Variants in ZNF557 observed in about 807,000 individuals in gnomAD.
ZNF557 encodes CTB-25J19.9.
ZNF557 carries 19 observed loss-of-function variants against 21.2 expected under a neutral mutation model. The observed-to-expected ratio is 0.90, with a 90% CI of 0.63 to 1.32. The LOEUF is 1.32. Ranked by LOEUF, ZNF557 falls within the 40% of genes most tolerant of loss-of-function variation. ZNF557 has a pLI of 0.00. For synonymous variants in ZNF557, 207 were observed against 194.8 expected (o/e 1.06, Z -0.52); for missense variants, 487 against 519.8 (o/e 0.94, Z 0.61).
chr19:7,075,199 G>C (rs1977559792), intron 3 of ZNF557, 94 bp downstream of exon 3: 2 of 1,571,774 alleles, frequency 1.3e-6, no homozygotes, highest in Non-Finnish European at 1.7e-6. Context: ...GAGCAGGTGA[G>C]GCAGGAGTGG....
At chr19:7,081,639 G>A (rs146534098) in intron 6 of ZNF557, among the ~76,000 whole-genome samples, 184 bp downstream of exon 6, 14 of 152,230 alleles carry the variant, frequency 9.2e-5, no homozygotes, top group Admixed American at 9.2e-4. Context: ...CCAACTTTCT[G>A]TCATCTCATA....
intron 1 of ZNF557, 88 bp from the exon 2 acceptor site, chr19:7,070,474 A>T (rs989576014): frequency 5.3e-5 from 8 of 152,216 alleles, no homozygotes; most frequent in Non-Finnish European, 1.2e-4. Flanking sequence ...CAACAACTGT[A>T]TTAGTCTCAG....
intron 5 of ZNF557, among the ~76,000 whole-genome samples, chr19:7,079,252 T>A (rs1166405081): frequency 6.8e-6 from 1 of 146,254 alleles, no homozygotes; most frequent in African/African-American, 2.5e-5. Flanking sequence ...TTTTTTTTTT[T>A]TTTTTTTGAG....
chr19:7,071,705 G>C (rs1463868074), intron 2 of ZNF557, among the ~76,000 whole-genome samples: 1 of 148,898 alleles, frequency 6.7e-6, no homozygotes, highest in Non-Finnish European at 1.5e-5. Flanking sequence ...TTAGCTGGGT[G>C]TGGTGACTCT....
intron 5 of ZNF557, among the ~76,000 whole-genome samples, chr19:7,080,304 G>T (rs936208426): frequency 1.3e-5 from 2 of 152,034 alleles, no homozygotes; most frequent in East Asian, 3.9e-4. Context: ...ACTCCATCTT[G>T]TGGGGGAAAA....
At chr19:7,078,484 G>A (rs1010115021) in intron 5 of ZNF557, among the ~76,000 whole-genome samples, 8 of 149,542 alleles carry the variant, frequency 5.3e-5, no homozygotes, top group South Asian at 2.1e-4. Context: ...AGGCTGGAGT[G>A]CACTGGCACG....
At chr19:7,071,144 G>A (rs1977448716) in intron 2 of ZNF557, among the ~76,000 whole-genome samples, 1 of 152,130 alleles carries the variant, frequency 6.6e-6, no homozygotes, top group Non-Finnish European at 1.5e-5. Flanking sequence ...GTCAAAATAA[G>A]TCAGTAAATA....
At chr19:7,081,334 A>G (rs1444539508) in intron 5 of ZNF557, 26 bp from the exon 6 acceptor site, 3 of 1,531,844 alleles carry the variant, frequency 2.0e-6, no homozygotes, top group Non-Finnish European at 1.8e-6. Context: ...GTCCCCCTAC[A>G]TCATGTGTCT....
At chr19:7,082,150 T>C in intron 7 of ZNF557, 98 bp downstream of exon 7, 1 of 933,792 alleles carries the variant, frequency 1.1e-6, no homozygotes, top group South Asian at 1.4e-5. Flanking sequence ...GCACAGTGGC[T>C]CATGCCTTTA....
rs1023375546 is a variant in ZNF557, at chr19:7,083,048, G to A, written c.597G>A (p.Lys199=). The A allele has an allele frequency of 6.2e-7, 1 of 1,614,112 alleles. No homozygotes were observed. Among genetic ancestry groups the A allele is most frequent in the African/African-American group, 1.3e-5 (1 of 75,052 alleles). Residue 199 remains lysine, a synonymous_variant, in exon 8 of 8, where the codon AAG becomes AAA. Coordinates refer to ENST00000252840, the MANE Select transcript of ZNF557 (RefSeq NM_024341.3). ...YSSRSYLAVH[K]RIHNGEKPYE... Reference sequence around the variant, plus strand: ...GTAGATCTTACCTTGCTGTTCATAAGAGAATCCACAATGGGGAGAAACCCT... The same window carrying A: ...GTAGATCTTACCTTGCTGTTCATAAAAGAATCCACAATGGGGAGAAACCCT...
At chr19:7,074,069 C>T (rs899784981) in intron 2 of ZNF557, among the ~76,000 whole-genome samples, 2 of 150,938 alleles carry the variant, frequency 1.3e-5, no homozygotes, top group Non-Finnish European at 2.9e-5. Context: ...GGTGCAATCC[C>T]GGCTCACTAC....
rs894924896 is a variant in ZNF557, at chr19:7,076,630, A to G, written c.247+123A>G. On this transcript the variant is annotated intron_variant, in intron 5 of 7. Transcript: ENST00000252840. ...CATTTAAACTATTTTAAAGTGTCCAATTTGGTGGCTTTTCGTAGGTTCACA... is the reference window on the plus strand; with the variant it reads ...CATTTAAACTATTTTAAAGTGTCCAGTTTGGTGGCTTTTCGTAGGTTCACA... 8 of 1,422,852 alleles carry G rather than the reference A, an allele frequency of 5.6e-6. No homozygotes were observed. In the African/African-American group the frequency reaches 7.2e-5, roughly 13 times the overall value. 88.1% of individuals were successfully genotyped at this position (1,422,852 alleles called of 1,614,324 possible). A position where few individuals can be genotyped will look rare whatever the true frequency, so the allele number is the denominator to read the frequency against.
At position 7,081,952 on chromosome 19, in the gene ZNF557, C is replaced by A. The variant is rs768096484; in HGVS notation, c.344-18C>A. On this transcript the variant is annotated intron_variant, in intron 6 of 7. Coordinates refer to ENST00000252840, the MANE Select transcript of ZNF557 (RefSeq NM_024341.3). ...GCCTCTTTTCTATCAACTTAAATTT[C>A]TTTTTAACTTGTTTCAGATGTGGAG... 2 of 1,602,174 alleles carry A rather than the reference C, an allele frequency of 1.2e-6. No homozygotes were observed. Among genetic ancestry groups the A allele is most frequent in the Non-Finnish European group, 8.5e-7 (1 of 1,170,632 alleles).
chr19:7,077,132 CTTTTTTTT>C (rs4031071), intron 5 of ZNF557, among the ~76,000 whole-genome samples: 11 of 78,368 alleles, frequency 1.4e-4, no homozygotes, highest in Admixed American at 7.9e-4. Flanking sequence ...TGTTTTCTTT[CTTTTTTTT>C]TTTTTTTTTT....
In ZNF557 at chr19:7,083,526, A is replaced by G. The variant is rs746755951; in HGVS notation, c.1075A>G (p.Asn359Asp). ...TCNECGKSFT[N>D]SFSLTIHRRI... ...TAATGAGTGTGGGAAATCCTTTACC[A>G]ATAGCTTTTCTCTTACAATTCACAG... Residue 359 changes from asparagine to aspartate, a missense_variant, in exon 8 of 8, where the codon AAT becomes GAT. Coordinates refer to ENST00000252840, the MANE Select transcript of ZNF557 (RefSeq NM_024341.3). 6.2e-7 allele frequency: 1 copy of G among 1,614,238 alleles called. No homozygotes were observed. The highest frequency in any genetic ancestry group is 1.7e-5 in the Admixed American group (1 of 60,024).
chr19:7,076,595 CAAAA>C, intron 5 of ZNF557, 88 bp downstream of exon 5: 1 of 1,527,936 alleles, frequency 6.5e-7, no homozygotes, highest in Non-Finnish European at 8.8e-7. Context: ...ACACAGGACA[CAAAA>C]GTCACCATTT....
chr19:7,084,010 G>A lies in ZNF557; in HGVS notation c.*266G>A, dbSNP rs1977780192. 1 of 390,224 alleles carries A rather than the reference G, an allele frequency of 2.6e-6. No homozygotes were observed. Among genetic ancestry groups the A allele is most frequent in the Admixed American group, 4.4e-5 (1 of 22,848 alleles). The allele number at this position is 390,224 out of a possible 1,614,324, so 24.2% of individuals were successfully genotyped here. On this transcript the variant is annotated 3_prime_UTR_variant, in exon 8 of 8. Coordinates refer to ENST00000252840, the MANE Select transcript of ZNF557 (RefSeq NM_024341.3). ...GTAATCATCCAGAATTGTTACTGGTGAAGGGACCACTTCCAAATGGCTTAC... is the reference window on the plus strand; with the variant it reads ...GTAATCATCCAGAATTGTTACTGGTAAAGGGACCACTTCCAAATGGCTTAC...
chr19:7,079,910 T>G (rs957595152), intron 5 of ZNF557, among the ~76,000 whole-genome samples: 1 of 152,194 alleles, frequency 6.6e-6, no homozygotes, highest in Non-Finnish European at 1.5e-5. Context: ...AGTTCCTTCT[T>G]ATGCAGAGCC....
At position 7,075,635 on chromosome 19, in the gene ZNF557, A is replaced by G; in HGVS notation, c.32-20A>G. 6.2e-7 allele frequency: 1 copy of G among 1,611,374 alleles called. No homozygotes were observed. Among genetic ancestry groups the G allele is most frequent in the Non-Finnish European group, 8.5e-7 (1 of 1,178,170 alleles). On this transcript the variant is annotated intron_variant, in intron 3 of 7. Transcript: ENST00000252840. ...CACAGGGCAGGTGTGGATTCCTGGT[A>G]CTCATTTCTCCTCCTCCAGCTCTGT...
Sources: allele counts gnomAD v4.1 joint callset (sites outside exome capture counted in the v4.1 genomes callset), GRCh38; gene constraint gnomAD v4.1.1; transcripts MANE v1.5; gene names NCBI Gene and HGNC (gene_info 2026-07-23, HGNC 2026-07-21).